Variants in COL4A3 observed in about 807,000 individuals in gnomAD.
COL4A3 encodes the protein collagen alpha-3(IV) chain.
In COL4A3, 135 loss-of-function variants were observed where a neutral mutation model predicts 217.4. That is an observed-to-expected ratio of 0.62 (90% CI 0.54 to 0.72). COL4A3 has a LOEUF of 0.72. Ranked by LOEUF, COL4A3 falls within the 30% of genes least tolerant of loss-of-function variation. The probability of loss-of-function intolerance (pLI) is 0.00; values close to 1 mark genes in which losing one functional copy is unlikely to be tolerated. For missense variants in COL4A3, 1,868 were observed against 2,119.9 expected (o/e 0.88, Z 2.33); for synonymous variants, 690 against 736.3 (o/e 0.94, Z 1.02).
In COL4A3 at chr2:227,254,701, G is replaced by A; in HGVS notation, c.874G>A (p.Asp292Asn). The A allele has an allele frequency of 1.2e-6, 2 of 1,613,184 alleles. No individual in the cohort carries two copies. The change falls in exon 15 of 52, where the codon GAC becomes AAC. Residue 292 changes from aspartate to asparagine, a missense_variant. Transcript: ENST00000396578. The stretch of plus-strand genomic sequence containing the variant: ...TGGATCTGAAAAGGGTGCTCCTGGA[G>A]ACCCTGGCCTGCAGGTAAATTTGGA... The part of the protein sequence containing the change: ...SYGSEKGAPG[D>N]PGLQGKPGKD...
At chr2:227,218,942 A>T (rs1425915387) in intron 1 of COL4A3, among the ~76,000 whole-genome samples, 2 of 152,108 alleles carry the variant, frequency 1.3e-5, no homozygotes, top group African/African-American at 4.8e-5. Context: ...GGAATTTGTC[A>T]TCTTCCAATA....
intron 1 of COL4A3, among the ~76,000 whole-genome samples, chr2:227,205,409 C>T (rs1287481384): frequency 1.3e-5 from 2 of 152,046 alleles, no homozygotes; most frequent in Admixed American, 6.6e-5. Context: ...AAGGTACAAA[C>T]ATTGTGATAT....
intron 31 of COL4A3, 29 bp downstream of exon 31, chr2:227,281,035 C>A: frequency 7.2e-7 from 1 of 1,397,242 alleles, no homozygotes; most frequent in Non-Finnish European, 9.9e-7. Flanking sequence ...AACTGGCCAC[C>A]AGAAGGGCAG....
chr2:227,225,628 G>A (rs1000666270), intron 1 of COL4A3, among the ~76,000 whole-genome samples: 4 of 150,668 alleles, frequency 2.7e-5, no homozygotes, highest in South Asian at 4.2e-4. Flanking sequence ...AAATAAGAAC[G>A]AGGTAGAGAT....
chr2:227,312,124 C>A lies in COL4A3; in HGVS notation c.*254C>A. 1 of 505,134 alleles carries A rather than the reference C, an allele frequency of 2.0e-6. No individual in the cohort carries two copies. The allele number at this position is 505,134 out of a possible 1,614,324, so 31.3% of individuals were successfully genotyped here. A position where few individuals can be genotyped will look rare whatever the true frequency, so the allele number is the denominator to read the frequency against. ...CTATTCACAAAATATCACCAAAAAC[C>A]TATTCCACTTACATCCAAGGCACTG... On this transcript the variant is annotated 3_prime_UTR_variant, in exon 52 of 52. Transcript: ENST00000396578.
intron 1 of COL4A3, among the ~76,000 whole-genome samples, chr2:227,214,250 G>T (rs1045557599): frequency 1.3e-5 from 2 of 152,080 alleles, no homozygotes; most frequent in African/African-American, 2.4e-5. Flanking sequence ...AGGAAACAAG[G>T]TTATTTATAT....
chr2:227,221,254 C>G (rs1365726830), intron 1 of COL4A3: 1 of 152,238 alleles, frequency 6.6e-6, no homozygotes. Context: ...CAGTTCCTCT[C>G]CAAGCACCCT....
chr2:227,198,475 A>G (rs1458716095), intron 1 of COL4A3, among the ~76,000 whole-genome samples: 1 of 150,424 alleles, frequency 6.6e-6, no homozygotes, highest in Non-Finnish European at 1.5e-5. Context: ...AGTTGAATAT[A>G]TTGTTATAAA....
chr2:227,246,862 A>G (rs751695006), intron 7 of COL4A3, 124 bp downstream of exon 7: 4 of 824,610 alleles, frequency 4.9e-6, no homozygotes, highest in South Asian at 4.0e-5. Context: ...CATAGTAGAC[A>G]TTCAACTAAT....
At chr2:227,196,722 A>G (rs566306332) in intron 1 of COL4A3, among the ~76,000 whole-genome samples, 1 of 152,350 alleles carries the variant, frequency 6.6e-6, no homozygotes, top group South Asian at 2.1e-4. Context: ...TAGCCTAGGA[A>G]TCACATCTGT....
chr2:227,234,704 T>G (rs2068595708), intron 1 of COL4A3, among the ~76,000 whole-genome samples: 4 of 151,964 alleles, frequency 2.6e-5, no homozygotes. Context: ...TCAATGGGAG[T>G]GTATAGGCAA....
intron 43 of COL4A3, among the ~76,000 whole-genome samples, chr2:227,301,242 C>A (rs150241480): frequency 6.6e-6 from 1 of 152,136 alleles, no homozygotes; most frequent in African/African-American, 2.4e-5. Context: ...ATTTTGTCCA[C>A]AAAAATATAG....
At chr2:227,272,015 C>T (rs1217301056) in intron 25 of COL4A3, among the ~76,000 whole-genome samples, 3 of 152,138 alleles carry the variant, frequency 2.0e-5, no homozygotes, top group Non-Finnish European at 1.5e-5. Flanking sequence ...GTGAGTCTTC[C>T]ACATGAAGAT....
chr2:227,201,159 GAATC>G (rs1279944100), intron 1 of COL4A3, among the ~76,000 whole-genome samples: 4 of 152,134 alleles, frequency 2.6e-5, no homozygotes, highest in African/African-American at 9.7e-5. Context: ...CAAGAAGAAA[GAATC>G]AAGATAGTAA....
At chr2:227,227,424 C>G (rs1363508791) in intron 1 of COL4A3, among the ~76,000 whole-genome samples, 1 of 152,076 alleles carries the variant, frequency 6.6e-6, no homozygotes, top group African/African-American at 2.4e-5. Flanking sequence ...TGGTGAAACC[C>G]CATCTCTACT....
In COL4A3 at chr2:227,247,723, C is replaced by T. The variant is rs12612699; in HGVS notation, c.468+139C>T. On this transcript the variant is annotated intron_variant, in intron 8 of 51. Transcript: ENST00000396578. ...TTAATCATTCAGAAACAATAATAATCGGGACATGATATTTATTCCTATTAA... is the reference window on the plus strand; with the variant it reads ...TTAATCATTCAGAAACAATAATAATTGGGACATGATATTTATTCCTATTAA... 111,434 of 909,314 alleles carry T rather than the reference C, an allele frequency of 0.12. 7,601 individuals are homozygous for T. Among genetic ancestry groups the T allele is most frequent in the Admixed American group, 0.19 (10,727 of 56,470 alleles). The allele number at this position is 909,314 out of a possible 1,614,324, so 56.3% of individuals were successfully genotyped here. A position where few individuals can be genotyped will look rare whatever the true frequency, so the allele number is the denominator to read the frequency against.
rs561952005 is a variant in COL4A3 at position 227,238,082 on chromosome 2, C to T, written c.144+58C>T. 2.7e-4 allele frequency: 305 copies of T among 1,112,278 alleles called. 5 individuals are homozygous for T. The South Asian group carries it at 3.6e-3, about 13-fold the overall frequency. 68.9% of individuals were successfully genotyped at this position (1,112,278 alleles called of 1,614,324 possible). Reference sequence around the variant, plus strand: ...CTGTAAAGCTCTAGAAGGTAAAACTCAACCTTCTTCTTTCATCGGTAGCAG... The same window carrying T: ...CTGTAAAGCTCTAGAAGGTAAAACTTAACCTTCTTCTTTCATCGGTAGCAG... On this transcript the variant is annotated intron_variant, in intron 2 of 51. Transcript: ENST00000396578.
intron 1 of COL4A3, among the ~76,000 whole-genome samples, chr2:227,189,376 C>G (rs1424826576): frequency 1.3e-5 from 2 of 151,958 alleles, no homozygotes; most frequent in Non-Finnish European, 2.9e-5. Flanking sequence ...TGGTGGTGAT[C>G]CCCGTGAGAC....
chr2:227,240,742 T>G (rs1443219258), intron 3 of COL4A3, among the ~76,000 whole-genome samples: 2 of 152,162 alleles, frequency 1.3e-5, no homozygotes, highest in African/African-American at 4.8e-5. Context: ...ATTGCTATCT[T>G]CTCCCTGACT....
Sources: gnomAD v4.1 joint callset for allele counts (sites outside exome capture counted in the v4.1 genomes callset) on GRCh38, gnomAD v4.1.1 for gene constraint, MANE v1.5 for transcripts, NCBI Gene and HGNC (gene_info 2026-07-23, HGNC 2026-07-21) for gene names.